PTPRN2: variants seen among roughly 807,000 people sequenced by gnomAD.
PTPRN2 encodes protein tyrosine phosphatase receptor type N2.
A neutral mutation model predicts 118.8 loss-of-function variants in PTPRN2; 74 were observed. The ratio of observed to expected loss-of-function variants is 0.62; its 90% confidence interval spans 0.52 to 0.76. PTPRN2 has a LOEUF of 0.76. Among genes scored for constraint, PTPRN2 ranks in the 30% least tolerant of loss-of-function variants. The pLI is 0.00. For synonymous variants in PTPRN2, 641 were observed against 608.0 expected, an observed-to-expected ratio of 1.05 and a Z score of -0.80; for missense variants, 1,481 against 1,394.4, an observed-to-expected ratio of 1.06 and a Z score of -0.99.
chr7:157,826,947 G>T (rs545890737), intron 12 of PTPRN2, among the ~76,000 whole-genome samples: 1 of 152,056 alleles, frequency 6.6e-6, no homozygotes, highest in Non-Finnish European at 1.5e-5. Context: ...ATACTGACCC[G>T]GCTCCTGCAC....
At chr7:158,409,580 A>G (rs947756459) in intron 2 of PTPRN2, among the ~76,000 whole-genome samples, 1 of 152,208 alleles carries the variant, frequency 6.6e-6, no homozygotes, top group African/African-American at 2.4e-5. Flanking sequence ...AAGCAGCTCA[A>G]ACTCCGGCAG....
intron 6 of PTPRN2, among the ~76,000 whole-genome samples, chr7:158,153,545 G>T (rs1419447388): frequency 2.0e-5 from 3 of 152,148 alleles, no homozygotes; most frequent in African/African-American, 7.2e-5. Flanking sequence ...GAGCAGCGGG[G>T]CACTGAAGAA....
chr7:158,056,827 C>T (rs1403043096), intron 11 of PTPRN2, among the ~76,000 whole-genome samples: 1 of 152,208 alleles, frequency 6.6e-6, no homozygotes, highest in African/African-American at 2.4e-5. Flanking sequence ...ACATTAAGTC[C>T]CACGCATCAT....
rs375635680 is a variant in PTPRN2, at chr7:157,760,180, A to G, written c.1789-77243T>C. Among the ~76,000 whole-genome samples, 3 of 151,956 alleles carry G rather than the reference A, an allele frequency of 2.0e-5. No homozygotes were observed. In the East Asian group the frequency reaches 5.8e-4, roughly 30 times the overall value. ...TGAATCTCTCTAACAAACATCCCCC[A>G]CGTGGTGATCAGTTTCCCACGTGCT... On this transcript the variant is annotated intron_variant, in intron 12 of 22. Transcript: ENST00000389418.
chr7:157,908,002 A>G (rs1015671715), intron 11 of PTPRN2, among the ~76,000 whole-genome samples: 4 of 152,190 alleles, frequency 2.6e-5, no homozygotes, highest in South Asian at 2.1e-4. Flanking sequence ...CCAGCCTGCC[A>G]GGAGCTCAGG....
intron 12 of PTPRN2, among the ~76,000 whole-genome samples, chr7:157,812,042 G>A (rs927214269): frequency 6.6e-6 from 1 of 152,160 alleles, no homozygotes; most frequent in Admixed American, 6.5e-5. Context: ...AAATGAGGAG[G>A]TTCAGGGCAG....
intron 6 of PTPRN2, among the ~76,000 whole-genome samples, chr7:158,139,749 C>T (rs1585582000): frequency 1.3e-5 from 2 of 152,104 alleles, no homozygotes; most frequent in Admixed American, 6.5e-5. Flanking sequence ...GCGCAGAGGC[C>T]GCCAGACACC....
At chr7:158,341,463 T>A (rs1320008168) in intron 2 of PTPRN2, among the ~76,000 whole-genome samples, 10 of 138,740 alleles carry the variant, frequency 7.2e-5, no homozygotes, top group Non-Finnish European at 1.4e-4. Flanking sequence ...CCTTCAGACG[T>A]CATTCACACC....
At chr7:158,278,841 C>T (rs1586105602) in intron 3 of PTPRN2, among the ~76,000 whole-genome samples, 1 of 152,144 alleles carries the variant, frequency 6.6e-6, no homozygotes, top group South Asian at 2.1e-4. Context: ...TCATTCCTCC[C>T]AGTGGGTTCG....
At chr7:158,074,982 G>A (rs905243257) in intron 11 of PTPRN2, among the ~76,000 whole-genome samples, 4 of 152,204 alleles carry the variant, frequency 2.6e-5, no homozygotes, top group East Asian at 3.8e-4. Flanking sequence ...GGCTCCTGGC[G>A]TTCCACGCTG....
At chr7:158,060,212 A>G (rs1430227216) in intron 11 of PTPRN2, among the ~76,000 whole-genome samples, 1 of 112,618 alleles carries the variant, frequency 8.9e-6, no homozygotes, top group Non-Finnish European at 1.8e-5. Context: ...ACACGGTGAC[A>G]CATCACTGCA....
In PTPRN2 at chr7:157,560,211, G is replaced by T. The variant is rs1011788702; in HGVS notation, c.2902+8691C>A. Among the ~76,000 whole-genome samples the T allele has an allele frequency of 2.6e-5, 4 of 152,162 alleles. 1 individual carries two copies. The highest frequency in any genetic ancestry group is 9.7e-5 in the African/African-American group (4 of 41,440). ...GCTATGTGAACCCTGGCTCAGCAGG[G>T]TCAGCCTGACCCCTTGAAGGTGGGA... On this transcript the variant is annotated intron_variant, in intron 21 of 22. Transcript: ENST00000389418. This position sits in a 1 kb window ranked among gnomAD's most constrained non-coding sequence, Gnocchi z 6.7.
At chr7:157,595,341 C>T (rs368672228) in intron 16 of PTPRN2, 26 bp from the exon 17 acceptor site, 22 of 1,606,798 alleles carry the variant, frequency 1.4e-5, no homozygotes, top group African/African-American at 4.1e-5. Flanking sequence ...CACACCACAG[C>T]GGTTAGCCAG....
intron 11 of PTPRN2, among the ~76,000 whole-genome samples, chr7:157,921,657 C>T (rs1393227524): frequency 2.6e-5 from 4 of 152,314 alleles, no homozygotes; most frequent in African/African-American, 7.2e-5. Context: ...TCATGCTTGT[C>T]GTCTCATTAT....
At chr7:158,366,521 C>A in intron 2 of PTPRN2, among the ~76,000 whole-genome samples, 1 of 152,260 alleles carries the variant, frequency 6.6e-6, no homozygotes, top group East Asian at 1.9e-4. Context: ...CTGCACACGG[C>A]TCTGTGACTG....
intron 12 of PTPRN2, among the ~76,000 whole-genome samples, chr7:157,719,760 C>A (rs1330501766): frequency 6.6e-6 from 1 of 152,268 alleles, no homozygotes; most frequent in Non-Finnish European, 1.5e-5. Context: ...CCTCTGCAAT[C>A]TCCGGCCTTC....
Position 157,917,470 on chromosome 7 carries a change from G to C in PTPRN2, c.1724-18733C>G, listed in dbSNP as rs556329942. ...CATCTGCGGGTCTCCTGTGGATTCT[G>C]CCGGGGGGCGGGGCTTCGGTGGAAA... is the stretch of plus-strand genomic sequence containing the variant. On this transcript the variant is annotated intron_variant, in intron 11 of 22. Transcript: ENST00000389418. Among the ~76,000 whole-genome samples, 19 of 152,334 alleles carry C rather than the reference G, an allele frequency of 1.2e-4. No individual in the cohort carries two copies. The East Asian group carries it at 2.7e-3, about 22-fold the overall frequency.
At chr7:157,871,083 T>C (rs1024711159) in intron 12 of PTPRN2, among the ~76,000 whole-genome samples, 3 of 152,176 alleles carry the variant, frequency 2.0e-5, no homozygotes, top group African/African-American at 7.2e-5. Context: ...CAGGGCTGCC[T>C]GGACTTCCTT....
At chr7:158,171,713 A>G (rs949283307) in intron 5 of PTPRN2, among the ~76,000 whole-genome samples, 2 of 152,120 alleles carry the variant, frequency 1.3e-5, no homozygotes, top group Non-Finnish European at 2.9e-5. Context: ...GAAACTATCC[A>G]ATTAGACTTT....
Sources: gnomAD v4.1 joint callset for allele counts (sites outside exome capture counted in the v4.1 genomes callset) on GRCh38, gnomAD v4.1.1 for gene constraint, Gnocchi (gnomAD v3.1) non-coding constraint, MANE v1.5 for transcripts, NCBI Gene and HGNC (gene_info 2026-07-23, HGNC 2026-07-21) for gene names.